The following AACS variants were observed in gnomAD, a reference collection of about 807,000 sequenced individuals.
AACS encodes acetoacetyl-CoA synthetase, also known as acetoacetate-CoA ligase.
AACS carries 69 observed loss-of-function variants against 83.1 expected under a neutral mutation model. The ratio of observed to expected loss-of-function variants is 0.83; its 90% CI spans 0.68 to 1.01. The LOEUF is 1.01. AACS is among the 50% of genes least tolerant of loss of function. AACS has a pLI of 0.00. For missense variants in AACS, 866 were observed against 882.2 expected (o/e 0.98, Z 0.23); for synonymous variants, 333 against 343.4 (o/e 0.97, Z 0.33).
intron 7 of AACS, among the ~76,000 whole-genome samples, chr12:125,106,162 G>A (rs545520525): frequency 3.3e-5 from 5 of 152,332 alleles, no homozygotes; most frequent in South Asian, 2.1e-4. Flanking sequence ...TGCAGGCTGC[G>A]TTTAACTGAT....
intron 1 of AACS, among the ~76,000 whole-genome samples, chr12:125,066,519 G>A (rs1293628652): frequency 6.9e-6 from 1 of 145,920 alleles, no homozygotes; most frequent in Non-Finnish European, 1.5e-5. Context: ...GCGAGATCTC[G>A]GCACACTGCA....
intron 10 of AACS, among the ~76,000 whole-genome samples, chr12:125,119,487 T>C (rs1180175641): frequency 6.6e-6 from 1 of 152,200 alleles, no homozygotes; most frequent in African/African-American, 2.4e-5. Context: ...GACTCAGAGT[T>C]TCACATGACT....
chr12:125,136,953 G>A (rs1957410549), intron 17 of AACS, 89 bp downstream of exon 17: 7 of 1,374,018 alleles, frequency 5.1e-6, no homozygotes, highest in African/African-American at 2.8e-5. Context: ...GCAGCTTGCC[G>A]GTGCTTTATA....
In AACS at chr12:125,113,106, G is replaced by A. The variant is rs1314567104; in HGVS notation, c.916-1371G>A. On this transcript the variant is annotated intron_variant, in intron 8 of 17. Coordinates refer to ENST00000316519, the MANE Select transcript of AACS (RefSeq NM_023928.5). This position sits in a 1 kb window ranked among gnomAD's most constrained non-coding sequence, Gnocchi z 4.8. ...GCTGCTGTTTGTGGGCTGGGTGGCG[G>A]TTGCCTGTTTGGGATGGACTCCGGA... is the stretch of plus-strand genomic sequence containing the variant. Among the ~76,000 whole-genome samples, 1 of 152,220 alleles carries A rather than the reference G, an allele frequency of 6.6e-6. No individual in the cohort carries two copies. The highest frequency in any genetic ancestry group is 2.4e-5 in the African/African-American group (1 of 41,452).
At chr12:125,065,757 C>T in intron 1 of AACS, 40 bp downstream of exon 1, 1 of 1,494,672 alleles carries the variant, frequency 6.7e-7, no homozygotes. Context: ...GGGGGATGGG[C>T]GGGAGCCGTG....
chr12:125,087,471 T>C (rs902221040), intron 4 of AACS, among the ~76,000 whole-genome samples: 3 of 152,194 alleles, frequency 2.0e-5, no homozygotes, highest in African/African-American at 4.8e-5. Flanking sequence ...GGTGTGTACA[T>C]GGGGATGAGC....
intron 3 of AACS, among the ~76,000 whole-genome samples, chr12:125,079,679 G>A (rs747961566): frequency 1.3e-5 from 2 of 152,206 alleles, no homozygotes; most frequent in South Asian, 2.1e-4. Flanking sequence ...ATGAGCCACT[G>A]CGTCCAGCCA....
At chr12:125,128,124 T>C (rs367847397) in intron 12 of AACS, 37 bp from the exon 13 acceptor site, 2 of 1,520,606 alleles carry the variant, frequency 1.3e-6, no homozygotes, top group Non-Finnish European at 1.8e-6. Flanking sequence ...TGTCTTGGGC[T>C]TCTAAATTTT....
At chr12:125,088,104 C>G (rs1371491904) in intron 4 of AACS, among the ~76,000 whole-genome samples, 1 of 152,108 alleles carries the variant, frequency 6.6e-6, no homozygotes, top group Non-Finnish European at 1.5e-5. Flanking sequence ...TACTAGAAGG[C>G]AGGGGCTTTG....
chr12:125,086,212 C>A (rs1956335734), intron 3 of AACS, 118 bp from the exon 4 acceptor site: 1 of 810,722 alleles, frequency 1.2e-6, no homozygotes, highest in African/African-American at 1.7e-5. Flanking sequence ...CGTCTGTTTT[C>A]CCTGGGTGTA....
At chr12:125,066,784 C>A (rs1218167049) in intron 1 of AACS, among the ~76,000 whole-genome samples, 1 of 152,030 alleles carries the variant, frequency 6.6e-6, no homozygotes, top group Admixed American at 6.6e-5. Context: ...CTCCCCTCCT[C>A]ACCCCCTCCG....
intron 5 of AACS, chr12:125,101,366 G>C (rs1956704255): frequency 6.6e-6 from 1 of 152,280 alleles, no homozygotes; most frequent in African/African-American, 2.4e-5. Flanking sequence ...TCCACGTGCA[G>C]TACAGACCAG....
chr12:125,133,614 G>C (rs981836762), intron 14 of AACS, among the ~76,000 whole-genome samples: 2 of 152,190 alleles, frequency 1.3e-5, no homozygotes, highest in Non-Finnish European at 2.9e-5. Context: ...CACACCCTGT[G>C]CCCTCCACTG....
intron 5 of AACS, among the ~76,000 whole-genome samples, chr12:125,095,646 G>C (rs111499351): frequency 6.6e-6 from 1 of 152,080 alleles, no homozygotes; most frequent in Non-Finnish European, 1.5e-5. Context: ...TCTCCCTCCC[G>C]CCTACCCTGT....
chr12:125,125,451 G>A (rs1648847520), intron 12 of AACS, among the ~76,000 whole-genome samples: 1 of 152,206 alleles, frequency 6.6e-6, no homozygotes, highest in Non-Finnish European at 1.5e-5. Context: ...GGGCTCCTGT[G>A]TGTGAGAGCA....
At chr12:125,082,227 A>G (rs572464422) in intron 3 of AACS, among the ~76,000 whole-genome samples, 53 of 146,332 alleles carry the variant, frequency 3.6e-4, no homozygotes, top group Non-Finnish European at 6.8e-4. Flanking sequence ...ATTGGAGTGC[A>G]GTGGTGCAGT....
intron 5 of AACS, among the ~76,000 whole-genome samples, chr12:125,099,873 T>C (rs1413248352): frequency 6.6e-6 from 1 of 152,088 alleles, no homozygotes; most frequent in Non-Finnish European, 1.5e-5. Flanking sequence ...ATGGGGTTTC[T>C]CAATTTTGGT....
intron 2 of AACS, among the ~76,000 whole-genome samples, chr12:125,074,411 G>A (rs1017953777): frequency 2.0e-5 from 3 of 151,906 alleles, no homozygotes; most frequent in Non-Finnish European, 4.4e-5. Context: ...GCTGGTCGTG[G>A]TGGTGCATGC....
rs945747788 is a variant in AACS at position 125,143,180 on chromosome 12, A to G, written c.*951A>G. The G allele has an allele frequency of 2.0e-5, 3 of 152,238 alleles. No individual in the cohort carries two copies. Among genetic ancestry groups the G allele is most frequent in the African/African-American group, 7.2e-5 (3 of 41,464 alleles). 9.4% of individuals were successfully genotyped at this position (152,238 alleles called of 1,614,324 possible). A position where few individuals can be genotyped will look rare whatever the true frequency, so the allele number is the denominator to read the frequency against. ...CGTATGAACTTGTATCTCTAATCTGATGTCCATTTTTATATTTTTTGAAAC... is the reference window on the plus strand; with the variant it reads ...CGTATGAACTTGTATCTCTAATCTGGTGTCCATTTTTATATTTTTTGAAAC... On this transcript the variant is annotated 3_prime_UTR_variant, in exon 18 of 18. Coordinates refer to ENST00000316519, the MANE Select transcript of AACS (RefSeq NM_023928.5).
Sources: gnomAD v4.1 joint callset for allele counts (sites outside exome capture counted in the v4.1 genomes callset) on GRCh38, gnomAD v4.1.1 for gene constraint, Gnocchi (gnomAD v3.1) non-coding constraint, MANE v1.5 for transcripts, NCBI Gene and HGNC (gene_info 2026-07-23, HGNC 2026-07-21) for gene names.